The following PCDH9 variants were observed in gnomAD, a reference collection of about 807,000 sequenced individuals.
PCDH9 encodes protocadherin 9, also known as protocadherin-9.
Under a neutral mutation model 70.6 loss-of-function variants are expected in PCDH9, and 24 were observed. The observed-to-expected ratio is 0.34, with a 90% CI of 0.25 to 0.48. The LOEUF is 0.48. PCDH9 is among the 20% of genes least tolerant of loss of function. The pLI, the probability that PCDH9 is intolerant of heterozygous loss-of-function variation, is 0.99. For missense variants in PCDH9, 1,281 were observed against 1,503.6 expected, an observed-to-expected ratio of 0.85 and a Z score of 2.45; for synonymous variants, 562 against 558.5, an observed-to-expected ratio of 1.01 and a Z score of -0.09.
chr13:66,361,081 T>A (rs1220375705), intron 4 of PCDH9, among the ~76,000 whole-genome samples: 1 of 152,100 alleles, frequency 6.6e-6, no homozygotes, highest in African/African-American at 2.4e-5. Context: ...AACATGGCCC[T>A]AGTGTGTTTC....
chr13:66,487,619 C>T (rs1958966146), intron 4 of PCDH9, among the ~76,000 whole-genome samples: 2 of 151,976 alleles, frequency 1.3e-5, no homozygotes, highest in Non-Finnish European at 1.5e-5. Flanking sequence ...ATTATATGGA[C>T]ATCTTTAAAC....
chr13:66,454,145 G>GA (rs1958270074), intron 4 of PCDH9, among the ~76,000 whole-genome samples: 1 of 151,030 alleles, frequency 6.6e-6, no homozygotes, highest in African/African-American at 2.4e-5. Context: ...AATAAGACTT[G>GA]TTTTTTTCTT....
chr13:66,410,289 A>AGG (rs756946529), intron 4 of PCDH9, among the ~76,000 whole-genome samples: 386 of 152,192 alleles, frequency 2.5e-3, no homozygotes, highest in Non-Finnish European at 3.8e-3. Flanking sequence ...TATAAGGATT[A>AGG]GTACCCTAGC....
intron 3 of PCDH9, among the ~76,000 whole-genome samples, chr13:66,724,647 C>A (rs936355607): frequency 1.3e-5 from 2 of 152,158 alleles, no homozygotes; most frequent in African/African-American, 4.8e-5. Flanking sequence ...TATTTTGGCG[C>A]CCTACTCCCA....
At chr13:66,701,786 G>A (rs2078651270) in intron 3 of PCDH9, among the ~76,000 whole-genome samples, 1 of 152,086 alleles carries the variant, frequency 6.6e-6, no homozygotes, top group Non-Finnish European at 1.5e-5. Context: ...GATTAATCAT[G>A]TGGTTAAAAA....
intron 4 of PCDH9, among the ~76,000 whole-genome samples, chr13:66,400,444 TATC>T (rs1284319167): frequency 5.3e-5 from 8 of 152,128 alleles, no homozygotes; most frequent in East Asian, 3.9e-4. Flanking sequence ...AAGCAAAATA[TATC>T]ATCATCAGTT....
rs1566391753 is a variant in PCDH9 at position 66,525,787 on chromosome 13, G to A, written c.3340+105423C>T. Among the ~76,000 whole-genome samples the A allele has an allele frequency of 3.3e-5, 5 of 152,062 alleles. No individual in the cohort carries two copies. The South Asian group carries it at 1.0e-3, about 32-fold the overall frequency. On this transcript the variant is annotated intron_variant, in intron 4 of 4. Transcript: ENST00000377865. ...CTTCCAAGAATGCTTAAGAATCAGC[G>A]TGGCCAAAATGAAGCTTGTCATCTC...
chr13:66,430,020 G>T (rs1957743735), intron 4 of PCDH9, among the ~76,000 whole-genome samples: 1 of 152,030 alleles, frequency 6.6e-6, no homozygotes, highest in Non-Finnish European at 1.5e-5. Flanking sequence ...CTTGTATATA[G>T]ATAGATTCAA....
intron 3 of PCDH9, among the ~76,000 whole-genome samples, chr13:66,795,788 T>C (rs2080231099): frequency 6.6e-6 from 1 of 152,192 alleles, no homozygotes; most frequent in Admixed American, 6.6e-5. Flanking sequence ...ACTCATTTTG[T>C]TCTACAACTG....
At chr13:66,488,795 T>TA (rs1776662267) in intron 4 of PCDH9, among the ~76,000 whole-genome samples, 1 of 152,144 alleles carries the variant, frequency 6.6e-6, no homozygotes, top group African/African-American at 2.4e-5. Flanking sequence ...GTTGCTGGCA[T>TA]AAAAAGTGCT....
intron 4 of PCDH9, among the ~76,000 whole-genome samples, chr13:66,437,817 T>TA (rs1275972561): frequency 6.6e-6 from 1 of 152,184 alleles, no homozygotes; most frequent in African/African-American, 2.4e-5. Context: ...AATAATTTCA[T>TA]ACTTATGTTG....
chr13:66,708,347 C>T (rs907385039), intron 3 of PCDH9, among the ~76,000 whole-genome samples: 11 of 152,006 alleles, frequency 7.2e-5, no homozygotes, highest in Admixed American at 7.2e-4. Flanking sequence ...CCGCGCCCGG[C>T]CCCAGATAAC....
At chr13:66,702,713 C>A (rs12860631) in intron 3 of PCDH9, among the ~76,000 whole-genome samples, 46,976 of 151,940 alleles carry the variant, frequency 0.31, 8,222 homozygotes, top group East Asian at 0.51. Flanking sequence ...TAAATATATA[C>A]AATTTTTGTC....
intron 2 of PCDH9, among the ~76,000 whole-genome samples, chr13:66,928,366 T>G (rs994425443): frequency 2.0e-5 from 3 of 152,172 alleles, no homozygotes; most frequent in African/African-American, 7.2e-5. Flanking sequence ...TGTCTGGCTC[T>G]TAATATGGAA....
At chr13:66,884,732 G>A (rs1373713158) in intron 3 of PCDH9, among the ~76,000 whole-genome samples, 1 of 152,064 alleles carries the variant, frequency 6.6e-6, no homozygotes, top group East Asian at 1.9e-4. Context: ...GAAAAGGAAA[G>A]AAAGAAGATA....
intron 4 of PCDH9, among the ~76,000 whole-genome samples, chr13:66,566,901 T>A (rs967546683): frequency 6.6e-6 from 1 of 152,034 alleles, no homozygotes; most frequent in African/African-American, 2.4e-5. Flanking sequence ...TATTTTGACA[T>A]TGCACTGTCG....
intron 3 of PCDH9, among the ~76,000 whole-genome samples, chr13:66,663,603 T>C (rs189608243): frequency 1.2e-4 from 19 of 152,336 alleles, no homozygotes; most frequent in Admixed American, 1.1e-3. Context: ...TCTGCATATA[T>C]CTTGACACTA....
chr13:67,206,566 G>T (rs2089353003), intron 2 of PCDH9: 1 of 152,190 alleles, frequency 6.6e-6, no homozygotes, highest in African/African-American at 2.4e-5. Context: ...GGTGATGAAA[G>T]TGGAAAACCT....
At chr13:66,755,135 C>A (rs2079520188) in intron 3 of PCDH9, among the ~76,000 whole-genome samples, 1 of 152,098 alleles carries the variant, frequency 6.6e-6, no homozygotes, top group South Asian at 2.1e-4. Flanking sequence ...ATCCATAGAA[C>A]CAAAATTTTG....
Sources: allele counts gnomAD v4.1 joint callset (sites outside exome capture counted in the v4.1 genomes callset), GRCh38; gene constraint gnomAD v4.1.1; transcripts MANE v1.5; gene names NCBI Gene and HGNC (gene_info 2026-07-23, HGNC 2026-07-21).